Variants in ARHGAP23 observed in about 807,000 individuals in gnomAD.
ARHGAP23 encodes Rho GTPase activating protein 23, also known as rho GTPase-activating protein 23.
In ARHGAP23, 34 loss-of-function variants were observed where a neutral mutation model predicts 136.3. The observed-to-expected ratio is 0.25, with a 90% CI of 0.19 to 0.33. The LOEUF (loss-of-function observed/expected upper bound fraction) is 0.33, where lower values mean the gene tolerates loss of function less well. Ranked by LOEUF, ARHGAP23 falls within the 10% of genes least tolerant of loss-of-function variation. The probability of loss-of-function intolerance (pLI) is 1.00; values close to 1 mark genes in which losing one functional copy is unlikely to be tolerated. For synonymous variants in ARHGAP23, 832 were observed against 920.5 expected (o/e 0.90, Z 1.74); for missense variants, 1,808 against 2,139.0 (o/e 0.85, Z 3.05).
intron 16 of ARHGAP23, 38 bp from the exon 17 acceptor site, chr17:38,486,024 T>A (rs1311461718): frequency 6.5e-7 from 1 of 1,537,360 alleles, no homozygotes; most frequent in Admixed American, 2.0e-5. Context: ...GGCATCGGGC[T>A]GGGCCTGCCT....
rs548769409 is a variant in ARHGAP23 at position 38,509,533 on chromosome 17, T to A, written c.3448-411T>A. Among the ~76,000 whole-genome samples, 31 of 151,758 alleles carry A rather than the reference T, an allele frequency of 2.0e-4. No individual in the cohort carries two copies. In the East Asian group the frequency reaches 4.5e-3, roughly 22 times the overall value. ...GGTCAGAGAGCGCCCCTGGCGGGGATTTGGGGATCAGCATGCAGGAAGCTC... is the reference window on the plus strand; with the variant it reads ...GGTCAGAGAGCGCCCCTGGCGGGGAATTGGGGATCAGCATGCAGGAAGCTC... On this transcript the variant is annotated intron_variant, in intron 23 of 23. Coordinates refer to ENST00000622683, the MANE Select transcript of ARHGAP23 (RefSeq NM_001199417.2).
At position 38,460,913 on chromosome 17, in the gene ARHGAP23, G is replaced by T. The variant is rs1473883451; in HGVS notation, c.234G>T (p.Glu78Asp). 1.4e-5 allele frequency: 22 copies of T among 1,535,956 alleles called. No individual in the cohort carries two copies. The highest frequency in any genetic ancestry group is 1.6e-5 in the Non-Finnish European group (18 of 1,146,882). Residue 78 changes from glutamate (E) to aspartate (D), a missense_variant, in exon 3 of 24, where the codon GAG becomes GAT. By Grantham distance (45) the Glu-to-Asp change is conservative. Transcript: ENST00000622683. ...SAVHCSLKEE[E>D]NGGRGGGPSP... is the part of the protein sequence containing the mutation. ...TCCTCTGTTCCCTGCAGGAGGAAGA[G>T]AATGGAGGCCGTGGAGGAGGTAAGG...
chr17:38,428,302 C>T, upstream of ARHGAP23: 1 of 248,990 alleles, frequency 4.0e-6, no homozygotes. Flanking sequence ...GGCCCTTGAG[C>T]GAGGCCGCCG....
In ARHGAP23 at chr17:38,490,527, C is replaced by T. The variant is rs1387824061; in HGVS notation, c.3126C>T (p.Ile1042=). 5.8e-6 allele frequency: 9 copies of T among 1,548,480 alleles called. No individual in the cohort carries two copies. The highest frequency in any genetic ancestry group is 4.9e-5 in the East Asian group (2 of 40,922). Residue 1042 remains isoleucine, a synonymous_variant, in exon 19 of 24, where the codon ATC becomes ATT. Transcript: ENST00000622683. ...TCCTTGTGGGCCATCTCAAGACCAT[C>T]GCTGACCACTCTGAGAAAAACAAGG... ...LKFLVGHLKT[I]ADHSEKNKME...
chr17:38,508,010 A>G (rs2144821565), intron 23 of ARHGAP23, among the ~76,000 whole-genome samples: 3 of 152,354 alleles, frequency 2.0e-5, no homozygotes, highest in Admixed American at 2.0e-4. Flanking sequence ...GTCTGCTTCT[A>G]CAAGGCTTCC....
In ARHGAP23 at chr17:38,490,621, G is replaced by T; in HGVS notation, c.3150+70G>T. 10 of 1,273,406 alleles carry T rather than the reference G, an allele frequency of 7.9e-6. No homozygotes were observed. The South Asian group carries it at 1.1e-4, about 15-fold the overall frequency. The allele number at this position is 1,273,406 out of a possible 1,614,324, so 78.9% of individuals were successfully genotyped here. ...CTTACTGTGTGAGGGCCCTCAGCAC[G>T]CACTGAGCTCCAGCAGGTCCAGTAA... On this transcript the variant is annotated intron_variant, in intron 19 of 23. Coordinates refer to ENST00000622683, the MANE Select transcript of ARHGAP23 (RefSeq NM_001199417.2).
intron 1 of ARHGAP23, among the ~76,000 whole-genome samples, chr17:38,432,527 A>G (rs2038707490): frequency 6.6e-6 from 1 of 152,144 alleles, no homozygotes; most frequent in Admixed American, 6.5e-5. Context: ...TAAAATTACA[A>G]AATTAGCTGG....
chr17:38,470,773 G>A (rs2039733706), intron 10 of ARHGAP23, among the ~76,000 whole-genome samples: 1 of 152,074 alleles, frequency 6.6e-6, no homozygotes, highest in Admixed American at 6.5e-5. Flanking sequence ...CTGACGTCAG[G>A]TGATCCACCC....
chr17:38,486,218 T>G (rs1247432348), intron 17 of ARHGAP23, 78 bp downstream of exon 17: 9 of 1,329,372 alleles, frequency 6.8e-6, no homozygotes, highest in Non-Finnish European at 9.3e-6. Context: ...TGCATTTGGT[T>G]TGTTGGTTTT....
chr17:38,472,363 G>T (rs2039780624), intron 11 of ARHGAP23, among the ~76,000 whole-genome samples: 1 of 152,076 alleles, frequency 6.6e-6, no homozygotes, highest in South Asian at 2.1e-4. Flanking sequence ...GAGAGCTAAG[G>T]CCCAAGAAGA....
upstream of ARHGAP23, among the ~76,000 whole-genome samples, chr17:38,424,195 C>T (rs2038547513): frequency 6.6e-6 from 1 of 152,096 alleles, no homozygotes; most frequent in Admixed American, 6.5e-5. Flanking sequence ...TCTGGAGCCC[C>T]ACCCTCCAGA....
intron 11 of ARHGAP23, among the ~76,000 whole-genome samples, chr17:38,473,098 G>T (rs1207879767): frequency 6.9e-6 from 1 of 145,098 alleles, no homozygotes; most frequent in South Asian, 2.2e-4. Context: ...CACCAAACCC[G>T]GCTAATTTTT....
At chr17:38,429,597 G>A (rs2038642656) in intron 1 of ARHGAP23, among the ~76,000 whole-genome samples, 1 of 152,144 alleles carries the variant, frequency 6.6e-6, no homozygotes, top group Non-Finnish European at 1.5e-5. Flanking sequence ...GGAGACTGGT[G>A]TGTTCCTTGG....
intron 2 of ARHGAP23, among the ~76,000 whole-genome samples, 190 bp from the exon 3 acceptor site, chr17:38,460,715 A>G (rs1007990544): frequency 1.3e-5 from 2 of 152,118 alleles, no homozygotes; most frequent in Non-Finnish European, 2.9e-5. Flanking sequence ...ATGGGAGCAC[A>G]TGTCACTGGG....
chr17:38,483,386 GT>G (rs2040090557), intron 16 of ARHGAP23, among the ~76,000 whole-genome samples: 2 of 152,260 alleles, frequency 1.3e-5, no homozygotes, highest in South Asian at 4.1e-4. Flanking sequence ...ACACTTAAGT[GT>G]TTCCAGCAAG....
In ARHGAP23 at chr17:38,510,801, C is replaced by T; in HGVS notation, c.4305C>T (p.Gly1435=). 1 of 1,502,188 alleles carries T rather than the reference C, an allele frequency of 6.7e-7. No homozygotes were observed. The highest frequency in any genetic ancestry group is 8.9e-7 in the Non-Finnish European group (1 of 1,128,714). 93.1% of individuals were successfully genotyped at this position (1,502,188 alleles called of 1,614,324 possible). ...LGGGGPPEPA[G]ARAHSDNKDS... Reference sequence around the variant, plus strand: ...GAGGGGGCCCCCCGGAGCCTGCGGGCGCGCGGGCGCACAGTGACAACAAGG... The same window carrying T: ...GAGGGGGCCCCCCGGAGCCTGCGGGTGCGCGGGCGCACAGTGACAACAAGG... The change falls in exon 24 of 24, where the codon GGC becomes GGT. Residue 1435 remains glycine, a synonymous_variant. Coordinates refer to ENST00000622683, the MANE Select transcript of ARHGAP23 (RefSeq NM_001199417.2). The surrounding 1 kb of genome is among the most constrained non-coding windows in gnomAD (Gnocchi z 4.6).
intron 19 of ARHGAP23, 121 bp from the exon 20 acceptor site, chr17:38,491,286 G>A: frequency 7.5e-7 from 1 of 1,331,424 alleles, no homozygotes; most frequent in East Asian, 2.5e-5. Context: ...ATACAAGGGG[G>A]TGTCCACCCT....
intron 22 of ARHGAP23, chr17:38,499,043 G>A (rs944089545): frequency 1.3e-5 from 9 of 694,334 alleles, no homozygotes; most frequent in Admixed American, 2.0e-5. Context: ...AGAATGTCCC[G>A]GACTGTGAGG....
chr17:38,457,759 G>GTC, intron 1 of ARHGAP23: 1 of 380,762 alleles, frequency 2.6e-6, no homozygotes, highest in Non-Finnish European at 4.8e-6. Flanking sequence ...GGGCAGGAAG[G>GTC]CTGTATCCAG....
Sources: gnomAD v4.1 joint callset for allele counts (sites outside exome capture counted in the v4.1 genomes callset) on GRCh38, gnomAD v4.1.1 for gene constraint, Gnocchi (gnomAD v3.1) non-coding constraint, MANE v1.5 for transcripts, NCBI Gene and HGNC (gene_info 2026-07-23, HGNC 2026-07-21) for gene names.